LRRC7: variants seen among roughly 807,000 people sequenced by gnomAD.
LRRC7 encodes leucine rich repeat containing 7.
In LRRC7, 23 loss-of-function variants were observed where a neutral mutation model predicts 175.7. The observed-to-expected ratio is 0.13, with a 90% confidence interval of 0.09 to 0.19. The LOEUF (loss-of-function observed/expected upper bound fraction) is 0.19. Among genes scored for constraint, LRRC7 ranks in the 10% least tolerant of loss-of-function variants. The probability of loss-of-function intolerance (pLI) is 1.00; values close to 1 mark genes in which losing one functional copy is unlikely to be tolerated. For synonymous variants in LRRC7, 685 were observed against 680.9 expected (o/e 1.01, Z -0.09); for missense variants, 1,354 against 1,904.7 (o/e 0.71, Z 5.38).
chr1:69,970,132 G>A (rs545895744), intron 8 of LRRC7, among the ~76,000 whole-genome samples: 1 of 152,144 alleles, frequency 6.6e-6, no homozygotes, highest in South Asian at 2.1e-4. Context: ...AGCAAAGGCG[G>A]TGCTAAGAGG....
chr1:69,577,737 A>G (rs974570141), intron 1 of LRRC7, among the ~76,000 whole-genome samples: 5 of 152,054 alleles, frequency 3.3e-5, no homozygotes, highest in African/African-American at 1.2e-4. Flanking sequence ...CCATTGATCT[A>G]TATCTCTGTT....
chr1:69,842,414 G>T (rs1308031034), intron 7 of LRRC7, among the ~76,000 whole-genome samples: 1 of 152,080 alleles, frequency 6.6e-6, no homozygotes, highest in African/African-American at 2.4e-5. Context: ...GTAAATGCAT[G>T]TGTTAATTAC....
At chr1:69,633,684 C>T (rs984660785) in intron 1 of LRRC7, among the ~76,000 whole-genome samples, 1 of 152,136 alleles carries the variant, frequency 6.6e-6, no homozygotes, top group Admixed American at 6.6e-5. Flanking sequence ...CCACCTCTGC[C>T]TCCCAAAGTG....
At chr1:69,789,268 C>G (rs1379099564) in intron 3 of LRRC7, among the ~76,000 whole-genome samples, 1 of 152,016 alleles carries the variant, frequency 6.6e-6, no homozygotes, top group Non-Finnish European at 1.5e-5. Flanking sequence ...AGACTTGAAA[C>G]AATTTTATTG....
At chr1:69,602,926 ACAGATTTATAG>A (rs1027850335) in intron 1 of LRRC7, among the ~76,000 whole-genome samples, 1 of 152,234 alleles carries the variant, frequency 6.6e-6, no homozygotes, top group African/African-American at 2.4e-5. Flanking sequence ...AACCTGCTGT[ACAGATTTATAG>A]CCTAGGTGTG....
Position 70,130,100 on chromosome 1 carries a change from C to G in LRRC7, c.*8213C>G, listed in dbSNP as rs1000223149. The G allele has an allele frequency of 6.6e-6, 1 of 152,132 alleles. No individual in the cohort carries two copies. Among genetic ancestry groups the G allele is most frequent in the Non-Finnish European group, 1.5e-5 (1 of 68,030 alleles). 9.4% of individuals were successfully genotyped at this position (152,132 alleles called of 1,614,324 possible). On this transcript the variant is annotated 3_prime_UTR_variant, in exon 27 of 27. Coordinates refer to ENST00000651989, the MANE Select transcript of LRRC7 (RefSeq NM_001370785.2). The stretch of plus-strand genomic sequence containing the variant: ...AAAAAATTTCTGTACTCAGCACTAC[C>G]ATATTAATTTTTTCTTATGTTTTTT...
chr1:69,879,087 G>T (rs1249277329), intron 7 of LRRC7, among the ~76,000 whole-genome samples: 2 of 150,042 alleles, frequency 1.3e-5, no homozygotes, highest in Non-Finnish European at 3.0e-5. Flanking sequence ...TTTATCAGTT[G>T]AAACAATGTA....
chr1:69,591,187 T>A (rs1646619031), intron 1 of LRRC7, among the ~76,000 whole-genome samples: 1 of 152,114 alleles, frequency 6.6e-6, no homozygotes, highest in Non-Finnish European at 1.5e-5. Flanking sequence ...GCTTGCTGTA[T>A]CTCTTGAAAC....
At chr1:69,858,382 C>T (rs1292623430) in intron 7 of LRRC7, among the ~76,000 whole-genome samples, 6 of 152,088 alleles carry the variant, frequency 3.9e-5, no homozygotes, top group Non-Finnish European at 7.4e-5. Context: ...GACTAATATC[C>T]AGAATCTACG....
intron 1 of LRRC7, among the ~76,000 whole-genome samples, chr1:69,667,358 G>T (rs1035241947): frequency 7.9e-5 from 12 of 151,982 alleles, no homozygotes; most frequent in Admixed American, 5.2e-4. Flanking sequence ...ATGTTTCCTT[G>T]TTGATTTTCT....
chr1:69,853,270 C>CTTTTTTTTTTTTTTT (rs1163071175), intron 7 of LRRC7, among the ~76,000 whole-genome samples: 5 of 88,012 alleles, frequency 5.7e-5, no homozygotes, highest in Non-Finnish European at 9.1e-5. Context: ...TCCTTTCTTT[C>CTTTTTTTTTTTTTTT]TTTTTTTTTT....
chr1:69,906,520 C>A (rs972101602), intron 7 of LRRC7, among the ~76,000 whole-genome samples: 2 of 152,138 alleles, frequency 1.3e-5, no homozygotes, highest in African/African-American at 2.4e-5. Flanking sequence ...ACAGGGAATC[C>A]TTTCCCCATT....
rs1325089261 is a variant in LRRC7, at chr1:70,021,128, A to C, written c.1544A>C (p.Lys515Thr). The C allele has an allele frequency of 6.2e-7, 1 of 1,609,766 alleles. No individual in the cohort carries two copies. Among genetic ancestry groups the C allele is most frequent in the Non-Finnish European group, 8.5e-7 (1 of 1,177,758 alleles). ...GATGACGAAAATGCTGGGAAAGTTA[A>C]GGTGAACCTTTTAGCTTTTGTTTCC... ...KEDDENAGKV[K>T]DLSCQAPWER... is the part of the protein sequence containing the mutation. The change falls in exon 16 of 27, where the codon AAG becomes ACG. Residue 515 changes from lysine to threonine, a missense_variant and splice_region_variant. By Grantham distance (78) the Lys-to-Thr change is moderately conservative (BLOSUM62 -1). Around this residue, in one of 4 missense-constraint regions of LRRC7, gnomAD observed 1,032 missense variants for 1,227.2 expected, o/e 0.84. Transcript: ENST00000651989.
chr1:69,638,953 CAA>C (rs1198518899), intron 1 of LRRC7, among the ~76,000 whole-genome samples: 1 of 151,708 alleles, frequency 6.6e-6, no homozygotes, highest in Non-Finnish European at 1.5e-5. Flanking sequence ...AAGAGTGAAA[CAA>C]AGTGTGAACA....
chr1:69,797,728 A>T (rs1262475701), intron 4 of LRRC7, among the ~76,000 whole-genome samples: 1 of 152,136 alleles, frequency 6.6e-6, no homozygotes, highest in Non-Finnish European at 1.5e-5. Flanking sequence ...TTCTCCACAA[A>T]ATAGCTTTAG....
chr1:69,614,199 T>C (rs1239587747), intron 1 of LRRC7, among the ~76,000 whole-genome samples: 3 of 152,072 alleles, frequency 2.0e-5, no homozygotes, highest in Non-Finnish European at 2.9e-5. Context: ...TTGGTTTATT[T>C]ACATTGCCAG....
chr1:69,621,698 G>A (rs1650639641), intron 1 of LRRC7, among the ~76,000 whole-genome samples: 1 of 152,082 alleles, frequency 6.6e-6, no homozygotes, highest in Admixed American at 6.6e-5. Context: ...AGACTTTATA[G>A]CTGGTCTAGC....
intron 1 of LRRC7, among the ~76,000 whole-genome samples, chr1:69,629,143 G>T (rs1043708079): frequency 1.3e-5 from 2 of 152,100 alleles, no homozygotes; most frequent in Non-Finnish European, 2.9e-5. Context: ...TGAAATTTCT[G>T]TTCTCTGAGA....
chr1:69,656,388 T>C (rs1254677560), intron 1 of LRRC7, among the ~76,000 whole-genome samples: 1 of 151,970 alleles, frequency 6.6e-6, no homozygotes, highest in African/African-American at 2.4e-5. Flanking sequence ...TGTATAATAA[T>C]TGTTAGCAAG....
Sources: gnomAD v4.1 joint callset for allele counts (sites outside exome capture counted in the v4.1 genomes callset) on GRCh38, gnomAD v4.1.1 for gene constraint, gnomAD v4.1.1 regional missense constraint, MANE v1.5 for transcripts, NCBI Gene and HGNC (gene_info 2026-07-23, HGNC 2026-07-21) for gene names.